KCNN3: variants seen among roughly 807,000 people sequenced by gnomAD.
KCNN3 encodes the protein potassium calcium-activated channel subfamily N member 3.
A neutral mutation model predicts 62.9 loss-of-function variants in KCNN3; 16 were observed. That is an observed-to-expected ratio of 0.25 (90% CI 0.17 to 0.39). The LOEUF (loss-of-function observed/expected upper bound fraction) is 0.39. Ranked by LOEUF, KCNN3 falls within the 10% of genes least tolerant of loss-of-function variation. KCNN3 has a pLI of 1.00. For synonymous variants in KCNN3, 370 were observed against 389.2 expected (o/e 0.95, Z 0.58); for missense variants, 599 against 949.4 (o/e 0.63, Z 4.85).
intron 2 of KCNN3, among the ~76,000 whole-genome samples, chr1:154,776,163 G>A (rs1194268782): frequency 6.6e-6 from 1 of 152,196 alleles, no homozygotes; most frequent in Non-Finnish European, 1.5e-5. Flanking sequence ...AGCTGGAGGT[G>A]GGAGAGCTAG....
chr1:154,827,353 C>T (rs1237267415), intron 1 of KCNN3, among the ~76,000 whole-genome samples: 4 of 152,148 alleles, frequency 2.6e-5, no homozygotes, highest in African/African-American at 9.7e-5. Context: ...TCCATGGAGA[C>T]CTGAGGCTTC....
intron 2 of KCNN3, among the ~76,000 whole-genome samples, chr1:154,776,141 A>G (rs773019191): frequency 1.1e-4 from 17 of 152,132 alleles, no homozygotes; most frequent in South Asian, 2.1e-4. Flanking sequence ...TGGGGGCCAC[A>G]TGGGGTAGTG....
chr1:154,708,784 AT>A (rs1305449677), intron 7 of KCNN3, among the ~76,000 whole-genome samples: 1 of 152,082 alleles, frequency 6.6e-6, no homozygotes, highest in Non-Finnish European at 1.5e-5. Flanking sequence ...GGAGTTAATA[AT>A]AACTGTACAC....
chr1:154,737,739 G>C (rs1700742606), intron 3 of KCNN3, among the ~76,000 whole-genome samples: 1 of 152,146 alleles, frequency 6.6e-6, no homozygotes, highest in Admixed American at 6.5e-5. Context: ...CCAAAAAGCA[G>C]AAAAAGACAA....
rs1571229173 is a variant in KCNN3 at position 154,742,071 on chromosome 1, G to A, written c.1449-8927C>T. Among the ~76,000 whole-genome samples, 4 of 152,284 alleles carry A rather than the reference G, an allele frequency of 2.6e-5. No individual in the cohort carries two copies. The South Asian group carries it at 8.3e-4, about 32-fold the overall frequency. ...CGGCTCACTGGCCTGCTTTCCTCCC[G>A]CCTTCGACTGTGCCTCCTTGGCTTC... is the stretch of plus-strand genomic sequence containing the variant. On this transcript the variant is annotated intron_variant, in intron 3 of 7. Transcript: ENST00000271915.
chr1:154,833,991 A>G (rs1651480068), intron 1 of KCNN3, among the ~76,000 whole-genome samples: 1 of 152,264 alleles, frequency 6.6e-6, no homozygotes, highest in Non-Finnish European at 1.5e-5. Flanking sequence ...AGAAGTAGAA[A>G]TGCTGTTTTT....
intron 2 of KCNN3, among the ~76,000 whole-genome samples, chr1:154,788,688 T>A (rs1034706599): frequency 1.3e-5 from 2 of 152,174 alleles, no homozygotes; most frequent in African/African-American, 4.8e-5. Flanking sequence ...CCCGTCAGCA[T>A]CCACTCGCAT....
intron 3 of KCNN3, among the ~76,000 whole-genome samples, chr1:154,746,326 G>C (rs1700934705): frequency 6.6e-6 from 1 of 152,196 alleles, no homozygotes; most frequent in Non-Finnish European, 1.5e-5. Context: ...AGCAGGTATG[G>C]GTTGGGATGA....
chr1:154,847,363 G>A (rs565403652), intron 1 of KCNN3, among the ~76,000 whole-genome samples: 1 of 152,298 alleles, frequency 6.6e-6, no homozygotes, highest in East Asian at 1.9e-4. Context: ...CCTGGGCAGA[G>A]GCCCAGCCAG....
chr1:154,775,690 C>T (rs531483183), intron 2 of KCNN3, among the ~76,000 whole-genome samples: 3 of 150,232 alleles, frequency 2.0e-5, no homozygotes, highest in Admixed American at 6.8e-5. Context: ...GGAGACAGTA[C>T]CCAGCACAGC....
intron 2 of KCNN3, among the ~76,000 whole-genome samples, chr1:154,773,103 C>A (rs145673382): frequency 6.6e-6 from 1 of 152,058 alleles, no homozygotes; most frequent in Non-Finnish European, 1.5e-5. Context: ...CAGATGATTT[C>A]GTCACCCAGG....
In KCNN3 at chr1:154,707,332, T is replaced by A. The variant is rs1699983001; in HGVS notation, c.*644A>T. 6.6e-6 allele frequency: 1 copy of A among 152,022 alleles called. No individual in the cohort carries two copies. Among genetic ancestry groups the A allele is most frequent in the Non-Finnish European group, 1.5e-5 (1 of 68,034 alleles). The allele number at this position is 152,022 out of a possible 1,614,324, so 9.4% of individuals were successfully genotyped here. On this transcript the variant is annotated 3_prime_UTR_variant, in exon 8 of 8. Coordinates refer to ENST00000271915, the MANE Select transcript of KCNN3 (RefSeq NM_002249.6). ...GAAAGGACCTGAAGCGAACGTGGGA[T>A]GTGTATGTGTGTACATGTACACGTT... is the stretch of plus-strand genomic sequence containing the variant.
intron 2 of KCNN3, among the ~76,000 whole-genome samples, chr1:154,799,811 A>G (rs1475528279): frequency 1.3e-5 from 2 of 152,202 alleles, no homozygotes; most frequent in African/African-American, 4.8e-5. Flanking sequence ...GCAGCAGAGC[A>G]TGGGACCCAG....
intron 2 of KCNN3, among the ~76,000 whole-genome samples, chr1:154,810,321 G>A (rs901614661): frequency 6.6e-6 from 1 of 152,180 alleles, no homozygotes; most frequent in African/African-American, 2.4e-5. Context: ...TGATCCTGAG[G>A]GCCTGGGGAC....
At chr1:154,856,497 C>T (rs1438186553) in intron 1 of KCNN3, among the ~76,000 whole-genome samples, 1 of 152,136 alleles carries the variant, frequency 6.6e-6, no homozygotes, top group African/African-American at 2.4e-5. Context: ...AGGAAACATC[C>T]CCTCCTCAGG....
intron 7 of KCNN3, among the ~76,000 whole-genome samples, chr1:154,709,629 A>G (rs1700033400): frequency 6.6e-6 from 1 of 152,194 alleles, no homozygotes; most frequent in Non-Finnish European, 1.5e-5. Flanking sequence ...CTGGGGCAGC[A>G]TAAGGAAAGG....
intron 2 of KCNN3, among the ~76,000 whole-genome samples, chr1:154,791,740 C>A (rs1649529145): frequency 6.6e-6 from 1 of 152,212 alleles, no homozygotes; most frequent in African/African-American, 2.4e-5. Flanking sequence ...AGTACCTGGA[C>A]TTTTTGACAG....
chr1:154,734,361 C>T (rs1700664794), intron 3 of KCNN3, among the ~76,000 whole-genome samples: 1 of 152,210 alleles, frequency 6.6e-6, no homozygotes, highest in African/African-American at 2.4e-5. Context: ...GGAGACCAAA[C>T]CTACTAGGCT....
At chr1:154,858,666 C>T (rs1002666198) in intron 1 of KCNN3, among the ~76,000 whole-genome samples, 3 of 151,812 alleles carry the variant, frequency 2.0e-5, no homozygotes, top group Admixed American at 6.6e-5. Context: ...GAACTAAAAC[C>T]AGGAATTCCA....
Sources: gnomAD v4.1 joint callset for allele counts (sites outside exome capture counted in the v4.1 genomes callset) on GRCh38, gnomAD v4.1.1 for gene constraint, MANE v1.5 for transcripts, NCBI Gene and HGNC (gene_info 2026-07-23, HGNC 2026-07-21) for gene names.